MAGI2: variants seen among roughly 807,000 people sequenced by gnomAD.
MAGI2 encodes membrane associated guanylate kinase, WW and PDZ domain containing 2.
A neutral mutation model predicts 133.3 loss-of-function variants in MAGI2; 35 were observed. That is an observed-to-expected ratio of 0.26 (90% CI 0.20 to 0.35). MAGI2 has a LOEUF of 0.35. MAGI2 is among the 10% of genes least tolerant of loss of function. The probability of loss-of-function intolerance (pLI) is 1.00; values close to 1 mark genes in which losing one functional copy is unlikely to be tolerated. For synonymous variants in MAGI2, 729 were observed against 710.6 expected (o/e 1.03, Z -0.41); for missense variants, 1,636 against 1,863.4 (o/e 0.88, Z 2.25).
intron 2 of MAGI2, among the ~76,000 whole-genome samples, chr7:78,948,914 A>G (rs1480871396): frequency 1.3e-5 from 2 of 152,146 alleles, no homozygotes; most frequent in Non-Finnish European, 2.9e-5. Flanking sequence ...ATGGAAAAAC[A>G]GACACATGCT....
intron 1 of MAGI2, among the ~76,000 whole-genome samples, chr7:79,305,985 G>C (rs1301242722): frequency 6.7e-6 from 1 of 150,308 alleles, no homozygotes; most frequent in Non-Finnish European, 1.5e-5. Flanking sequence ...TATTCCTGTA[G>C]TATCTTTTTT....
intron 2 of MAGI2, among the ~76,000 whole-genome samples, chr7:78,637,628 A>C (rs1199109798): frequency 1.3e-5 from 2 of 152,236 alleles, no homozygotes; most frequent in African/African-American, 4.8e-5. Context: ...TATACTTATC[A>C]AATGAAATCA....
At chr7:78,752,665 T>A (rs1168610481) in intron 2 of MAGI2, among the ~76,000 whole-genome samples, 1 of 152,162 alleles carries the variant, frequency 6.6e-6, no homozygotes. Flanking sequence ...TTCTGATAAT[T>A]TTTTTAGTGT....
At chr7:78,667,983 T>C (rs994112228) in intron 2 of MAGI2, among the ~76,000 whole-genome samples, 3 of 152,180 alleles carry the variant, frequency 2.0e-5, no homozygotes, top group Non-Finnish European at 2.9e-5. Flanking sequence ...TCCACAATGG[T>C]TGAACTAGTT....
chr7:79,215,030 C>T (rs1294758624), intron 1 of MAGI2, among the ~76,000 whole-genome samples: 1 of 151,262 alleles, frequency 6.6e-6, no homozygotes, highest in Admixed American at 6.6e-5. Context: ...ATAAGCCTCC[C>T]AATCAATTGA....
intron 2 of MAGI2, among the ~76,000 whole-genome samples, chr7:78,910,121 T>C (rs1031862064): frequency 6.6e-6 from 1 of 151,888 alleles, no homozygotes; most frequent in South Asian, 2.1e-4. Context: ...AGCAACACAT[T>C]CTGGGTCCTG....
chr7:79,345,427 C>A (rs945271589), intron 1 of MAGI2, among the ~76,000 whole-genome samples: 1 of 151,960 alleles, frequency 6.6e-6, no homozygotes, highest in Non-Finnish European at 1.5e-5. Context: ...TTCTCTAGAA[C>A]AGTGAGAAAA....
intron 2 of MAGI2, among the ~76,000 whole-genome samples, chr7:78,832,464 AGGGCGGGT>A (rs2151445025): frequency 6.6e-6 from 1 of 152,302 alleles, no homozygotes; most frequent in African/African-American, 2.4e-5. Flanking sequence ...AGTAATTGTA[AGGGCGGGT>A]GGAAATAAAA....
chr7:78,536,726 A>T (rs1013739163), intron 3 of MAGI2, among the ~76,000 whole-genome samples: 1 of 148,778 alleles, frequency 6.7e-6, no homozygotes, highest in Admixed American at 6.7e-5. Context: ...CTTTTTAAAA[A>T]ATTTCAATAG....
chr7:78,233,095 C>T (rs1407547737), intron 10 of MAGI2, among the ~76,000 whole-genome samples: 1 of 152,090 alleles, frequency 6.6e-6, no homozygotes, highest in Non-Finnish European at 1.5e-5. Context: ...AAGTTCTGAT[C>T]TTTGCCTTCT....
At chr7:78,390,661 T>C (rs1795819240) in intron 6 of MAGI2, among the ~76,000 whole-genome samples, 1 of 151,978 alleles carries the variant, frequency 6.6e-6, no homozygotes, top group Admixed American at 6.6e-5. Context: ...GAGGGGAAGC[T>C]ACTCTATATT....
rs148997169 is a variant in MAGI2 at position 78,364,951 on chromosome 7, A to T, written c.1103+4205T>A. 2.8e-3 allele frequency among the ~76,000 whole-genome samples: 430 copies of T among 152,316 alleles called. 1 individual carries two copies. Among genetic ancestry groups the T allele is most frequent in the Non-Finnish European group, 4.7e-3 (317 of 68,030 alleles). ...GGTGTCTGTCAGGAAAAATTGGGCT[A>T]AGTTCTTTCTGCTGCTACATAGAGT... On this transcript the variant is annotated intron_variant, in intron 7 of 21. Transcript: ENST00000354212.
At chr7:79,415,737 T>A (rs1846456360) in intron 1 of MAGI2, 1 of 152,158 alleles carries the variant, frequency 6.6e-6, no homozygotes, top group Non-Finnish European at 1.5e-5. Context: ...ATTCTATTTA[T>A]AAAATGGTTC....
intron 2 of MAGI2, among the ~76,000 whole-genome samples, chr7:78,815,639 ACT>A (rs1308569354): frequency 1.3e-5 from 2 of 152,006 alleles, no homozygotes; most frequent in African/African-American, 4.8e-5. Flanking sequence ...AATATTTCAA[ACT>A]TTTTCATTAT....
At chr7:78,075,995 A>G (rs1054243243) in intron 21 of MAGI2, among the ~76,000 whole-genome samples, 2 of 152,214 alleles carry the variant, frequency 1.3e-5, no homozygotes, top group African/African-American at 4.8e-5. Context: ...TTGTGATATC[A>G]TCTCTAAAGT....
intron 1 of MAGI2, among the ~76,000 whole-genome samples, chr7:79,229,076 C>T (rs2056753): frequency 0.2 from 30,132 of 149,328 alleles, 3,118 homozygotes; most frequent in African/African-American, 0.23. Context: ...AGGATGTATA[C>T]GACAATGATT....
At chr7:78,527,610 C>A (rs567323035) in intron 3 of MAGI2, among the ~76,000 whole-genome samples, 3 of 152,154 alleles carry the variant, frequency 2.0e-5, no homozygotes, top group Admixed American at 2.0e-4. Context: ...AGTATTATGA[C>A]AAGAAATAGG....
At chr7:78,229,270 T>C (rs1230718424) in intron 10 of MAGI2, among the ~76,000 whole-genome samples, 1 of 152,212 alleles carries the variant, frequency 6.6e-6, no homozygotes, top group African/African-American at 2.4e-5. Context: ...TTAGTCCTTG[T>C]AATTAGCACA....
At chr7:78,540,382 C>A (rs1328856417) in intron 3 of MAGI2, among the ~76,000 whole-genome samples, 1 of 152,134 alleles carries the variant, frequency 6.6e-6, no homozygotes, top group Non-Finnish European at 1.5e-5. Flanking sequence ...ATTGACAGGC[C>A]TTCACCCAGC....
Sources: allele counts gnomAD v4.1 joint callset (sites outside exome capture counted in the v4.1 genomes callset), GRCh38; gene constraint gnomAD v4.1.1; transcripts MANE v1.5; gene names NCBI Gene and HGNC (gene_info 2026-07-23, HGNC 2026-07-21).